OCA2: variants seen among roughly 807,000 people sequenced by gnomAD.
OCA2 encodes OCA2 melanosomal transmembrane protein.
A neutral mutation model predicts 100.2 loss-of-function variants in OCA2; 77 were observed. That is an observed-to-expected ratio of 0.77 (90% CI 0.64 to 0.93). OCA2 has a LOEUF of 0.93. Ranked by LOEUF, OCA2 falls within the 40% of genes least tolerant of loss-of-function variation. OCA2 has a pLI of 0.00. For missense variants in OCA2, 1,062 were observed against 1,089.1 expected, an observed-to-expected ratio of 0.98 and a Z score of 0.35; for synonymous variants, 432 against 439.2, an observed-to-expected ratio of 0.98 and a Z score of 0.21.
intron 2 of OCA2, among the ~76,000 whole-genome samples, chr15:28,064,937 C>T (rs72712697): frequency 0.064 from 9,740 of 151,532 alleles, 355 homozygotes; most frequent in Middle Eastern, 0.099. Flanking sequence ...TTATTAAATG[C>T]TGTAGCAGTC....
chr15:27,916,690 C>G (rs577271508), intron 19 of OCA2, among the ~76,000 whole-genome samples: 2 of 152,282 alleles, frequency 1.3e-5, no homozygotes, highest in South Asian at 4.2e-4. Context: ...ACCAACTACT[C>G]TATGGTTTGA....
chr15:27,755,515 A>G lies in OCA2; in HGVS notation c.2433-43T>C, dbSNP rs776587604. On this transcript the variant is annotated intron_variant, in intron 23 of 23. Coordinates refer to ENST00000354638, the MANE Select transcript of OCA2 (RefSeq NM_000275.3). The stretch of plus-strand genomic sequence containing the variant: ...ATGAGTTATGGCATCTGAAATCTGG[A>G]TAATCTCATGAGATACGGACTCATA... The G allele has an allele frequency of 1.6e-5, 24 of 1,496,934 alleles. No homozygotes were observed. In the South Asian group the frequency reaches 2.7e-4, roughly 17 times the overall value. 92.7% of individuals were successfully genotyped at this position (1,496,934 alleles called of 1,614,324 possible). A position where few individuals can be genotyped will look rare whatever the true frequency, so the allele number is the denominator to read the frequency against.
intron 18 of OCA2, among the ~76,000 whole-genome samples, chr15:27,939,853 A>C (rs2039584394): frequency 6.6e-6 from 1 of 152,252 alleles, no homozygotes; most frequent in Non-Finnish European, 1.5e-5. Context: ...GCAAATTCTC[A>C]GAATGCCACA....
chr15:27,809,728 A>G (rs1177890202), intron 23 of OCA2, among the ~76,000 whole-genome samples: 1 of 152,222 alleles, frequency 6.6e-6, no homozygotes, highest in African/African-American at 2.4e-5. Context: ...ATAACGACCA[A>G]GCTAAGAATC....
At chr15:28,084,743 T>C (rs2044746154) in intron 1 of OCA2, among the ~76,000 whole-genome samples, 1 of 152,104 alleles carries the variant, frequency 6.6e-6, no homozygotes, top group Non-Finnish European at 1.5e-5. Context: ...TTGCTGGCTG[T>C]GGGCCAGCAA....
intron 19 of OCA2, among the ~76,000 whole-genome samples, chr15:27,884,069 T>A (rs1241063989): frequency 3.3e-5 from 5 of 152,216 alleles, no homozygotes; most frequent in African/African-American, 7.2e-5. Context: ...TTATAAATCA[T>A]CGTTACTGCA....
At chr15:27,998,243 C>T (rs1363823031) in intron 9 of OCA2, among the ~76,000 whole-genome samples, 1 of 88,260 alleles carries the variant, frequency 1.1e-5, no homozygotes, top group African/African-American at 2.7e-5. Context: ...AAAGAAACTA[C>T]CATCAGAGTG....
At chr15:28,041,897 T>C (rs2043211569) in intron 2 of OCA2, among the ~76,000 whole-genome samples, 1 of 152,192 alleles carries the variant, frequency 6.6e-6, no homozygotes, top group South Asian at 2.1e-4. Context: ...TATTTGGTTT[T>C]AGATAGAAAG....
At chr15:28,038,360 C>T (rs2043106320) in intron 2 of OCA2, among the ~76,000 whole-genome samples, 1 of 152,286 alleles carries the variant, frequency 6.6e-6, no homozygotes, top group East Asian at 1.9e-4. Context: ...ATTCCTCACC[C>T]GTGTACAGTC....
At chr15:28,010,684 T>TA (rs1191548872) in intron 9 of OCA2, among the ~76,000 whole-genome samples, 2 of 152,110 alleles carry the variant, frequency 1.3e-5, no homozygotes, top group South Asian at 2.1e-4. Context: ...GAAAATTATT[T>TA]AAAAAATCAA....
At chr15:28,024,481 G>A (rs1191906751) in intron 5 of OCA2, among the ~76,000 whole-genome samples, 1 of 152,196 alleles carries the variant, frequency 6.6e-6, no homozygotes, top group Non-Finnish European at 1.5e-5. Flanking sequence ...GGCTATCCAC[G>A]ATCTCCAGAT....
chr15:28,079,649 C>T (rs1036954670), intron 2 of OCA2, among the ~76,000 whole-genome samples: 3 of 152,202 alleles, frequency 2.0e-5, no homozygotes, highest in Non-Finnish European at 4.4e-5. Flanking sequence ...GGAGAAGCTC[C>T]GCATGGGAGG....
chr15:27,986,707 G>A (rs1000336149), intron 11 of OCA2, 64 bp from the exon 12 acceptor site: 4 of 1,064,380 alleles, frequency 3.8e-6, no homozygotes, highest in Non-Finnish European at 5.9e-6. Flanking sequence ...AACGACATCA[G>A]CATGATCCCT....
intron 23 of OCA2, among the ~76,000 whole-genome samples, chr15:27,799,439 T>A (rs888646003): frequency 2.6e-5 from 4 of 152,168 alleles, no homozygotes; most frequent in African/African-American, 9.6e-5. Context: ...GTGGTCAAAA[T>A]TGCCTGTCTG....
the OCA2 span, among the ~76,000 whole-genome samples, chr15:27,722,824 C>T: frequency 1.4e-5 from 2 of 147,680 alleles, no homozygotes; most frequent in Non-Finnish European, 3.0e-5. Flanking sequence ...TTCTCTCTCT[C>T]TCTCTCTTTC....
At chr15:27,877,499 A>G (rs2036840331) in intron 19 of OCA2, among the ~76,000 whole-genome samples, 1 of 151,944 alleles carries the variant, frequency 6.6e-6, no homozygotes, top group Non-Finnish European at 1.5e-5. Flanking sequence ...TTGAGTATTT[A>G]CCAGGGACAT....
intron 19 of OCA2, among the ~76,000 whole-genome samples, chr15:27,872,934 C>T (rs963346703): frequency 2.0e-5 from 3 of 152,174 alleles, no homozygotes; most frequent in Non-Finnish European, 4.4e-5. Flanking sequence ...AGGTGATCTG[C>T]CTGCCTTGGC....
chr15:27,790,906 A>T (rs1447602416), intron 23 of OCA2, among the ~76,000 whole-genome samples: 1 of 151,368 alleles, frequency 6.6e-6, no homozygotes, highest in Non-Finnish European at 1.5e-5. Flanking sequence ...CTCCCATGCC[A>T]ATCTCCTGCA....
At chr15:27,756,220 C>A (rs2030356331) in intron 23 of OCA2, among the ~76,000 whole-genome samples, 2 of 152,230 alleles carry the variant, frequency 1.3e-5, no homozygotes. Context: ...GCAAATGTTA[C>A]AATTTTGGTT....
Sources: allele counts gnomAD v4.1 joint callset (sites outside exome capture counted in the v4.1 genomes callset), GRCh38; gene constraint gnomAD v4.1.1; transcripts MANE v1.5; gene names NCBI Gene and HGNC (gene_info 2026-07-23, HGNC 2026-07-21).